The following PLCB1 variants were observed in gnomAD, a reference collection of about 807,000 sequenced individuals.
PLCB1 encodes the protein 1-phosphatidylinositol 4,5-bisphosphate phosphodiesterase beta-1.
Under a neutral mutation model 161.8 loss-of-function variants are expected in PLCB1, and 46 were observed. That is an observed-to-expected ratio of 0.28 (90% CI 0.22 to 0.36). The LOEUF is 0.36. Ranked by LOEUF, PLCB1 falls within the 10% of genes least tolerant of loss-of-function variation. PLCB1 has a pLI of 1.00. For missense variants in PLCB1, 1,016 were observed against 1,472.5 expected, an observed-to-expected ratio of 0.69 and a Z score of 5.07; for synonymous variants, 517 against 503.7, an observed-to-expected ratio of 1.03 and a Z score of -0.35.
chr20:8,645,088 A>G (rs1989125775), intron 4 of PLCB1, among the ~76,000 whole-genome samples: 4 of 150,946 alleles, frequency 2.6e-5, no homozygotes, highest in East Asian at 2.0e-4. Context: ...GCGGTGCAAG[A>G]TGTGCTTTGT....
At chr20:8,285,768 C>G (rs1163792382) in intron 2 of PLCB1, among the ~76,000 whole-genome samples, 2 of 152,108 alleles carry the variant, frequency 1.3e-5, no homozygotes, top group Non-Finnish European at 2.9e-5. Flanking sequence ...GGCCTTCACA[C>G]CTGTACCCAC....
chr20:8,530,643 C>T (rs752724397), intron 3 of PLCB1, among the ~76,000 whole-genome samples: 32 of 152,166 alleles, frequency 2.1e-4, no homozygotes, highest in Middle Eastern at 6.8e-3. Flanking sequence ...ACATGTACTT[C>T]GACATGTATA....
chr20:8,694,819 A>G (rs1990551812), intron 10 of PLCB1, among the ~76,000 whole-genome samples: 1 of 152,340 alleles, frequency 6.6e-6, no homozygotes, highest in Middle Eastern at 3.4e-3. Flanking sequence ...AATCTGCTCT[A>G]TTCTTTAATA....
At chr20:8,705,897 T>G (rs1488115965) in intron 11 of PLCB1, among the ~76,000 whole-genome samples, 1 of 152,134 alleles carries the variant, frequency 6.6e-6, no homozygotes, top group Non-Finnish European at 1.5e-5. Context: ...CATTGGAAAG[T>G]TTATAGAAAG....
intron 10 of PLCB1, among the ~76,000 whole-genome samples, chr20:8,689,895 A>G (rs915315755): frequency 2.4e-5 from 3 of 123,670 alleles, no homozygotes; most frequent in South Asian, 2.9e-4. Flanking sequence ...ATGATGTGAT[A>G]CTTTCAGCTA....
chr20:8,676,092 G>A (rs189061064), intron 9 of PLCB1, among the ~76,000 whole-genome samples: 35 of 152,368 alleles, frequency 2.3e-4, no homozygotes, highest in African/African-American at 6.5e-4. Flanking sequence ...GCTACAGGCC[G>A]GGCGCGGCGG....
intron 2 of PLCB1, among the ~76,000 whole-genome samples, chr20:8,276,938 CTTCTTCT>C (rs1568614679): frequency 5.1e-4 from 21 of 41,462 alleles, no homozygotes; most frequent in African/African-American, 1.3e-3. Flanking sequence ...TCTTCTTCTT[CTTCTTCT>C]TCTTCTTCTT....
At chr20:8,716,477 T>C in intron 13 of PLCB1, 129 bp downstream of exon 13, 1 of 728,392 alleles carries the variant, frequency 1.4e-6, no homozygotes. Context: ...ATGAAATCTT[T>C]GACAAGGAGG....
chr20:8,501,914 T>C (rs1357483836), intron 3 of PLCB1, among the ~76,000 whole-genome samples: 1 of 116,884 alleles, frequency 8.6e-6, no homozygotes, highest in Non-Finnish European at 1.8e-5. Flanking sequence ...TATATATATA[T>C]ATGACTTTTT....
At chr20:8,721,802 C>A (rs953613699) in intron 14 of PLCB1, among the ~76,000 whole-genome samples, 3 of 152,174 alleles carry the variant, frequency 2.0e-5, no homozygotes, top group African/African-American at 7.2e-5. Flanking sequence ...GAGTTCCTGC[C>A]CCAGCTCCTA....
In PLCB1 at chr20:8,367,434, AT is replaced by A. The variant is rs558880893; in HGVS notation, c.178-3944del. Among the ~76,000 whole-genome samples the A allele has an allele frequency of 1.3e-3, 196 of 152,306 alleles. 1 individual carries two copies. The highest frequency in any genetic ancestry group is 4.5e-3 in the African/African-American group (189 of 41,570). On this transcript the variant is annotated intron_variant, in intron 2 of 31. Transcript: ENST00000338037. ...GACAGGTGACACGGAGCAAATCTGTATTTTACTAAGCTTTTCAGGTGACTGT... is the reference window on the plus strand; with the variant it reads ...GACAGGTGACACGGAGCAAATCTGTATTTACTAAGCTTTTCAGGTGACTGT...
chr20:8,729,056 C>A lies in PLCB1; in HGVS notation c.1770C>A (p.Asn590Lys). 1 of 1,605,888 alleles carries A rather than the reference C, an allele frequency of 6.2e-7. No homozygotes were observed. Among genetic ancestry groups the A allele is most frequent in the Non-Finnish European group, 8.5e-7 (1 of 1,175,158 alleles). Residue 590 changes from asparagine to lysine, a missense_variant, in exon 18 of 32, where the codon AAC becomes AAA. Coordinates refer to ENST00000338037, the MANE Select transcript of PLCB1 (RefSeq NM_015192.4). ...TKSPVEFVEYNKMQLSRIYPK... is the reference protein window; with the variant it reads ...TKSPVEFVEYKKMQLSRIYPK... ...ACTTAACATGATGGTCCAGATATAA[C>A]AAAATGCAGCTTAGCAGGATATATC... is the stretch of plus-strand genomic sequence containing the variant.
chr20:8,726,198 T>C (rs898697353), intron 16 of PLCB1, among the ~76,000 whole-genome samples: 3 of 152,158 alleles, frequency 2.0e-5, no homozygotes, highest in Non-Finnish European at 4.4e-5. Context: ...TGTGCTATAC[T>C]TATCTAAAAT....
At chr20:8,391,276 G>A (rs1480304706) in intron 3 of PLCB1, among the ~76,000 whole-genome samples, 1 of 151,704 alleles carries the variant, frequency 6.6e-6, no homozygotes, top group Non-Finnish European at 1.5e-5. Context: ...TGAACTTGAG[G>A]CATATTTCTC....
intron 2 of PLCB1, among the ~76,000 whole-genome samples, chr20:8,197,276 C>T (rs1247240742): frequency 1.3e-5 from 2 of 152,048 alleles, no homozygotes; most frequent in African/African-American, 4.8e-5. Context: ...CCAGTCCCAC[C>T]AACAGTGTAA....
intron 23 of PLCB1, among the ~76,000 whole-genome samples, chr20:8,744,074 A>C (rs1288542676): frequency 6.6e-6 from 1 of 152,172 alleles, no homozygotes; most frequent in Non-Finnish European, 1.5e-5. Flanking sequence ...GGTACAATGC[A>C]TATTACCTGA....
chr20:8,781,228 AT>A (rs968221044), intron 27 of PLCB1, among the ~76,000 whole-genome samples: 13 of 149,358 alleles, frequency 8.7e-5, no homozygotes, highest in East Asian at 7.8e-4. Context: ...ACATAGGGTC[AT>A]TTTTTTTTTG....
rs1281108245 is a variant in PLCB1, at chr20:8,778,531, A to T, written c.3111+3812A>T. Among the ~76,000 whole-genome samples the T allele has an allele frequency of 2.0e-5, 3 of 152,012 alleles. No individual in the cohort carries two copies. The South Asian group carries it at 6.2e-4, about 32-fold the overall frequency. On this transcript the variant is annotated intron_variant, in intron 27 of 31. Coordinates refer to ENST00000338037, the MANE Select transcript of PLCB1 (RefSeq NM_015192.4). Reference sequence around the variant, plus strand: ...GGTAGAAATCCTACTAGAGGTGGCAACTCTACCATATGTCCTTCCACTTCC... The same window carrying T: ...GGTAGAAATCCTACTAGAGGTGGCATCTCTACCATATGTCCTTCCACTTCC...
chr20:8,555,572 A>G (rs897059229), intron 3 of PLCB1, among the ~76,000 whole-genome samples: 1 of 152,128 alleles, frequency 6.6e-6, no homozygotes, highest in Non-Finnish European at 1.5e-5. Context: ...TGGAAAGGTC[A>G]TCTATCTCCA....
Sources: allele counts gnomAD v4.1 joint callset (sites outside exome capture counted in the v4.1 genomes callset), GRCh38; gene constraint gnomAD v4.1.1; transcripts MANE v1.5; gene names NCBI Gene and HGNC (gene_info 2026-07-23, HGNC 2026-07-21).